Variants in C12orf42 observed in about 807,000 individuals in gnomAD.
C12orf42 encodes the protein chromosome 12 open reading frame 42.
Under a neutral mutation model 21.6 loss-of-function variants are expected in C12orf42, and 25 were observed. The ratio of observed to expected loss-of-function variants is 1.16; its 90% CI spans 0.84 to 1.62. The LOEUF is 1.62. Ranked by LOEUF, C12orf42 falls within the 40% of genes most tolerant of loss-of-function variation. C12orf42 has a pLI of 0.00. For missense variants in C12orf42, 483 were observed against 459.3 expected (o/e 1.05, Z -0.47); for synonymous variants, 174 against 175.0 (o/e 0.99, Z 0.05).
At chr12:103,427,876 T>G (rs1222885071) in intron 2 of C12orf42, among the ~76,000 whole-genome samples, 2 of 152,206 alleles carry the variant, frequency 1.3e-5, no homozygotes, top group Non-Finnish European at 2.9e-5. Context: ...GAATGATTAC[T>G]GGGTAAATAA....
At chr12:103,554,743 G>A in the C12orf42 span, among the ~76,000 whole-genome samples, 229 of 152,196 alleles carry the variant, frequency 1.5e-3, no homozygotes, top group Middle Eastern at 6.8e-3. Context: ...GGTGCTACAC[G>A]CTTTCAAACA....
chr12:103,398,084 A>G (rs1034019313), intron 3 of C12orf42, among the ~76,000 whole-genome samples: 3 of 152,328 alleles, frequency 2.0e-5, no homozygotes, highest in African/African-American at 7.2e-5. Flanking sequence ...AGGTGTTTGC[A>G]TTCTACAACT....
chr12:103,086,740 A>G, the C12orf42 span, among the ~76,000 whole-genome samples: 1 of 152,044 alleles, frequency 6.6e-6, no homozygotes, highest in African/African-American at 2.4e-5. Context: ...CTGCTTCATC[A>G]AAACGGTGTT....
the C12orf42 span, among the ~76,000 whole-genome samples, chr12:103,199,274 T>C: frequency 1.1e-3 from 163 of 152,286 alleles, 4 homozygotes; most frequent in African/African-American, 3.7e-3. Context: ...GGAATGAAAT[T>C]GAACCCTCAA....
chr12:103,234,575 G>T (rs1251831842), downstream of C12orf42, among the ~76,000 whole-genome samples: 1 of 152,122 alleles, frequency 6.6e-6, no homozygotes, highest in African/African-American at 2.4e-5. Context: ...GGGGATCATG[G>T]ATCTCACTAC....
chr12:103,213,339 CAGATCCTACTCA>C, the C12orf42 span, among the ~76,000 whole-genome samples: 1 of 152,136 alleles, frequency 6.6e-6, no homozygotes, highest in Non-Finnish European at 1.5e-5. Flanking sequence ...TGTCTAACTC[CAGATCCTACTCA>C]AGATTATCAT....
At chr12:103,507,485 C>G in the C12orf42 span, among the ~76,000 whole-genome samples, 1 of 140,550 alleles carries the variant, frequency 7.1e-6, no homozygotes, top group Non-Finnish European at 1.5e-5. Flanking sequence ...GCCCGGGTAA[C>G]ATAGTGATAC....
chr12:103,197,179 G>T, the C12orf42 span, among the ~76,000 whole-genome samples: 1 of 152,092 alleles, frequency 6.6e-6, no homozygotes, highest in Non-Finnish European at 1.5e-5. Flanking sequence ...TATGGAGCTC[G>T]GTTTGGCTGG....
chr12:103,424,742 C>T (rs527577953), intron 2 of C12orf42, among the ~76,000 whole-genome samples: 4 of 152,300 alleles, frequency 2.6e-5, no homozygotes, highest in Admixed American at 2.0e-4. Context: ...ACTGGGCAGC[C>T]GTTTGGGCAA....
intron 2 of C12orf42, among the ~76,000 whole-genome samples, chr12:103,472,961 T>G (rs1156781204): frequency 1.3e-5 from 2 of 152,170 alleles, no homozygotes; most frequent in African/African-American, 4.8e-5. Context: ...TGGAGGAGAT[T>G]TGCAGGGCTT....
At chr12:103,503,314 G>T in the C12orf42 span, 1 of 152,272 alleles carries the variant, frequency 6.6e-6, no homozygotes, top group South Asian at 2.1e-4. Flanking sequence ...GCTGGGAGCG[G>T]CTCCATTCTG....
the C12orf42 span, among the ~76,000 whole-genome samples, chr12:103,170,734 C>T: frequency 3.9e-5 from 6 of 152,254 alleles, no homozygotes; most frequent in South Asian, 4.1e-4. Flanking sequence ...TTACACCCAA[C>T]GCACTCAATT....
intron 4 of C12orf42, among the ~76,000 whole-genome samples, chr12:103,363,584 C>T (rs1376424222): frequency 6.6e-6 from 1 of 152,078 alleles, no homozygotes; most frequent in Non-Finnish European, 1.5e-5. Context: ...AACCAAGTAT[C>T]TGCTGCCTTC....
the C12orf42 span, among the ~76,000 whole-genome samples, chr12:103,545,160 G>A: frequency 1.8e-4 from 28 of 152,114 alleles, no homozygotes; most frequent in African/African-American, 5.8e-4. Flanking sequence ...TTCTGAATTT[G>A]AGGATTTCAC....
intron 10 of C12orf42, among the ~76,000 whole-genome samples, chr12:103,255,349 C>T (rs759301338): frequency 6.6e-6 from 1 of 151,792 alleles, no homozygotes; most frequent in East Asian, 1.9e-4. Flanking sequence ...TCCAGTCTGG[C>T]GACAGAGCAA....
the C12orf42 span, among the ~76,000 whole-genome samples, chr12:103,180,615 C>CTTTTT: frequency 2.4e-3 from 148 of 61,986 alleles, no homozygotes; most frequent in Non-Finnish European, 3.3e-3. Flanking sequence ...AAATAATTTC[C>CTTTTT]TTTTTTTTTT....
the C12orf42 span, among the ~76,000 whole-genome samples, chr12:103,517,366 G>A: frequency 2.0e-5 from 3 of 152,088 alleles, no homozygotes; most frequent in Non-Finnish European, 4.4e-5. Context: ...TGCAGAAACC[G>A]CACCATGAAT....
chr12:103,277,250 T>C, intron 4 of C12orf42: 1 of 425,450 alleles, frequency 2.4e-6, no homozygotes, highest in Non-Finnish European at 4.7e-6. Context: ...ATAGAAAGAA[T>C]AACTGTATAT....
chr12:103,198,390 C>G, the C12orf42 span, among the ~76,000 whole-genome samples: 2 of 152,116 alleles, frequency 1.3e-5, no homozygotes, highest in African/African-American at 4.8e-5. Flanking sequence ...CTGGGAGAGG[C>G]CGGCAGACAG....
Sources: gnomAD v4.1 joint callset for allele counts (sites outside exome capture counted in the v4.1 genomes callset) on GRCh38, gnomAD v4.1.1 for gene constraint, MANE v1.5 for transcripts, NCBI Gene and HGNC (gene_info 2026-07-23, HGNC 2026-07-21) for gene names.